WDR11: variants seen among roughly 807,000 people sequenced by gnomAD.
WDR11 encodes WD repeat-containing protein 11.
Under a neutral mutation model 151.2 loss-of-function variants are expected in WDR11, and 83 were observed. That is an observed-to-expected ratio of 0.55 (90% CI 0.46 to 0.66). WDR11 has a LOEUF of 0.66. WDR11 is among the 30% of genes least tolerant of loss of function. WDR11 has a pLI of 0.00. For synonymous variants in WDR11, 484 were observed against 533.1 expected (o/e 0.91, Z 1.27); for missense variants, 1,301 against 1,480.9 (o/e 0.88, Z 1.99).
At chr10:120,865,455 C>T (rs950718045) in intron 6 of WDR11, among the ~76,000 whole-genome samples, 175 bp from the exon 7 acceptor site, 1 of 151,928 alleles carries the variant, frequency 6.6e-6, no homozygotes, top group African/African-American at 2.4e-5. Flanking sequence ...TGGGTAAAGA[C>T]AAATTATTTT....
At chr10:120,906,165 G>T in intron 27 of WDR11, 144 bp downstream of exon 27, 2 of 1,542,548 alleles carry the variant, frequency 1.3e-6, no homozygotes, top group East Asian at 4.8e-5. Flanking sequence ...AAACCCAAAG[G>T]AGAATGGAAC....
At chr10:120,864,917 T>C (rs1846261294) in intron 5 of WDR11, 130 bp from the exon 6 acceptor site, 1 of 1,035,484 alleles carries the variant, frequency 9.7e-7, no homozygotes, top group Non-Finnish European at 1.4e-6. Flanking sequence ...TGCCAACCCA[T>C]GTTGGTCACT....
At chr10:120,876,431 G>C (rs569139820) in intron 11 of WDR11, among the ~76,000 whole-genome samples, 1 of 152,190 alleles carries the variant, frequency 6.6e-6, no homozygotes, top group African/African-American at 2.4e-5. Flanking sequence ...CATCTCCCCA[G>C]ATACATTTAC....
At chr10:120,867,663 GT>G (rs1296664761) in intron 9 of WDR11, among the ~76,000 whole-genome samples, 2 of 152,084 alleles carry the variant, frequency 1.3e-5, no homozygotes, top group African/African-American at 2.4e-5. Context: ...TTAATTGTGG[GT>G]TTTTTTCTTC....
At position 120,860,370 on chromosome 10, in the gene WDR11, T is replaced by C. The variant is rs1298650579; in HGVS notation, c.526+88T>C. The C allele has an allele frequency of 2.1e-6, 3 of 1,443,924 alleles. No individual in the cohort carries two copies. The African/African-American group carries it at 4.2e-5, about 20-fold the overall frequency. The allele number at this position is 1,443,924 out of a possible 1,614,324, so 89.4% of individuals were successfully genotyped here. A position where few individuals can be genotyped will look rare whatever the true frequency, so the allele number is the denominator to read the frequency against. ...GTGCATGAGATATACACACACATTA[T>C]ACATCTATAATGTTAAAATGACTGA... On this transcript the variant is annotated intron_variant, in intron 4 of 28. Transcript: ENST00000263461.
Position 120,905,888 on chromosome 10 carries a change from C to A in WDR11, c.3304C>A (p.Pro1102Thr). 5 of 1,614,126 alleles carry A rather than the reference C, an allele frequency of 3.1e-6. No homozygotes were observed. Among genetic ancestry groups the A allele is most frequent in the Non-Finnish European group, 4.2e-6 (5 of 1,180,010 alleles). ...AAWLAKVRLN[P>T]EECADVLRRW... ...GCGTCTTTCTCAGGTCCGTTTGAAT[C>A]CTGAGGAGTGTGCCGATGTTTTAAG... The change falls in exon 27 of 29, where the codon CCT becomes ACT. Residue 1102 changes from proline (P) to threonine (T), a missense_variant. This residue lies in a region of WDR11 where 589 missense variants were observed against 670.6 expected (regional missense o/e 0.88). Transcript: ENST00000263461.
chr10:120,865,308 C>T (rs915453680), intron 6 of WDR11, 96 bp downstream of exon 6: 2 of 1,252,424 alleles, frequency 1.6e-6, no homozygotes, highest in East Asian at 2.5e-5. Context: ...TTCAGTTCTC[C>T]ACTTTCTCTT....
At chr10:120,895,366 A>G (rs956973760) in intron 19 of WDR11, among the ~76,000 whole-genome samples, 20 of 152,238 alleles carry the variant, frequency 1.3e-4, no homozygotes, top group African/African-American at 4.8e-4. Context: ...GAATAGAAAG[A>G]AAGTTAAGTA....
intron 11 of WDR11, among the ~76,000 whole-genome samples, chr10:120,875,978 C>CGT (rs1846764801): frequency 1.6e-5 from 2 of 122,812 alleles, no homozygotes; most frequent in African/African-American, 3.1e-5. Context: ...CCTTTTTTTT[C>CGT]TTTTTTTTTT....
intron 22 of WDR11, among the ~76,000 whole-genome samples, chr10:120,902,737 G>A (rs1044797997): frequency 6.8e-6 from 1 of 146,884 alleles, no homozygotes; most frequent in African/African-American, 2.7e-5. Flanking sequence ...TTATCCCAGA[G>A]GAACTTCTTC....
At chr10:120,906,257 C>G in intron 27 of WDR11, 1 of 1,389,478 alleles carries the variant, frequency 7.2e-7, no homozygotes, top group Non-Finnish European at 9.3e-7. Context: ...TAACAGGCAC[C>G]TAGTAAAAGG....
chr10:120,901,313 C>T (rs980418076), intron 21 of WDR11, among the ~76,000 whole-genome samples: 14 of 152,198 alleles, frequency 9.2e-5, no homozygotes, highest in South Asian at 2.1e-4. Flanking sequence ...CATCTGTCTT[C>T]ACCAAGTTCA....
chr10:120,864,855 C>G (rs1846259701), intron 5 of WDR11, among the ~76,000 whole-genome samples, 192 bp from the exon 6 acceptor site: 1 of 152,136 alleles, frequency 6.6e-6, no homozygotes. Context: ...CCATCCTATA[C>G]AATATTATTA....
chr10:120,887,541 T>A (rs902169820), intron 16 of WDR11, among the ~76,000 whole-genome samples: 1 of 152,228 alleles, frequency 6.6e-6, no homozygotes, highest in Non-Finnish European at 1.5e-5. Flanking sequence ...CCAACCCCCA[T>A]AATTTTATAG....
At position 120,889,969 on chromosome 10, in the gene WDR11, C is replaced by T. The variant is rs150399543; in HGVS notation, c.2303C>T (p.Ala768Val). Residue 768 changes from alanine (A) to valine (V), a missense_variant, in exon 18 of 29, where the codon GCA becomes GTA. Ala to Val is a moderately conservative substitution (Grantham distance 64, BLOSUM62 0). Coordinates refer to ENST00000263461, the MANE Select transcript of WDR11 (RefSeq NM_018117.12). ...GGTAAAGGAAATCAAAAATTAATAGCAATGTACAATGATGGAGCTGAAGTG... is the reference window on the plus strand; with the variant it reads ...GGTAAAGGAAATCAAAAATTAATAGTAATGTACAATGATGGAGCTGAAGTG... ...APGKGNQKLI[A>V]MYNDGAEVWD... 828 of 1,613,846 alleles carry T rather than the reference C, an allele frequency of 5.1e-4. 8 individuals are homozygous for T. In the African/African-American group the frequency reaches 9.7e-3, roughly 19 times the overall value.
At chr10:120,870,979 A>G (rs573557230) in intron 9 of WDR11, among the ~76,000 whole-genome samples, 191 bp from the exon 10 acceptor site, 17 of 152,276 alleles carry the variant, frequency 1.1e-4, no homozygotes, top group African/African-American at 3.4e-4. Flanking sequence ...TTGAGGTGTT[A>G]GTTGATGCAA....
chr10:120,857,973 T>C (rs1433873121), intron 2 of WDR11, among the ~76,000 whole-genome samples: 1 of 152,148 alleles, frequency 6.6e-6, no homozygotes, highest in African/African-American at 2.4e-5. Context: ...AGAGGGGTGG[T>C]AGTGACCAGG....
intron 28 of WDR11, 186 bp from the exon 29 acceptor site, chr10:120,908,370 A>G (rs1281460677): frequency 1.6e-6 from 1 of 644,642 alleles, no homozygotes; most frequent in South Asian, 1.7e-5. Flanking sequence ...ATGGCCTACT[A>G]TGGCCGGGAA....
intron 2 of WDR11, among the ~76,000 whole-genome samples, chr10:120,857,782 T>C (rs544372934): frequency 9.9e-5 from 15 of 152,208 alleles, no homozygotes; most frequent in Non-Finnish European, 1.6e-4. Context: ...AATCTACTTA[T>C]TAAACAGACC....
Sources: allele counts gnomAD v4.1 joint callset (sites outside exome capture counted in the v4.1 genomes callset), GRCh38; gene constraint gnomAD v4.1.1; regional missense constraint gnomAD v4.1.1; transcripts MANE v1.5; gene names NCBI Gene and HGNC (gene_info 2026-07-23, HGNC 2026-07-21).